Variants in ORC3 observed in about 807,000 individuals in gnomAD.
ORC3 encodes origin recognition complex subunit 3, also known as homolog of latheo, Drosophila.
ORC3 carries 78 observed loss-of-function variants against 100.7 expected under a neutral mutation model. That is an observed-to-expected ratio of 0.77 (90% confidence interval 0.65 to 0.94). ORC3 has a LOEUF of 0.94. Ranked by LOEUF, ORC3 falls within the 40% of genes least tolerant of loss-of-function variation. The probability of loss-of-function intolerance (pLI) is 0.00; values close to 1 mark genes in which losing one functional copy is unlikely to be tolerated. For synonymous variants in ORC3, 295 were observed against 289.3 expected (o/e 1.02, Z -0.20); for missense variants, 789 against 823.9 (o/e 0.96, Z 0.52).
At chr6:87,599,165 C>A (rs943866037) in intron 2 of ORC3, among the ~76,000 whole-genome samples, 4 of 152,122 alleles carry the variant, frequency 2.6e-5, no homozygotes, top group Non-Finnish European at 5.9e-5. Context: ...TTTAAAGTAT[C>A]CTACTGCTGT....
At chr6:87,601,719 C>T (rs538073258) in intron 2 of ORC3, 65 bp from the exon 3 acceptor site, 5 of 939,104 alleles carry the variant, frequency 5.3e-6, no homozygotes, top group South Asian at 1.5e-5. Context: ...TAACTTTGCA[C>T]GTAAGATCTA....
At chr6:87,590,851 G>A (rs909753130) in intron 1 of ORC3, among the ~76,000 whole-genome samples, 1 of 152,084 alleles carries the variant, frequency 6.6e-6, no homozygotes, top group Non-Finnish European at 1.5e-5. Context: ...ACAAAGAGTG[G>A]GAGCGTCATG....
intron 11 of ORC3, among the ~76,000 whole-genome samples, chr6:87,624,099 T>C (rs1779719555): frequency 6.6e-6 from 1 of 152,170 alleles, no homozygotes; most frequent in African/African-American, 2.4e-5. Context: ...GTGAGAAATA[T>C]GAAAAAGCAC....
At chr6:87,598,672 T>C (rs1238254810) in intron 2 of ORC3, among the ~76,000 whole-genome samples, 1 of 151,866 alleles carries the variant, frequency 6.6e-6, no homozygotes, top group African/African-American at 2.4e-5. Flanking sequence ...TTTTTTTTTT[T>C]CATTATGTGG....
chr6:87,607,553 G>T, intron 5 of ORC3, 120 bp from the exon 6 acceptor site: 1 of 655,094 alleles, frequency 1.5e-6, no homozygotes, highest in East Asian at 2.8e-5. Context: ...TTGATGGTAA[G>T]TATAAAAAAA....
chr6:87,676,528 G>A, the ORC3 span, among the ~76,000 whole-genome samples: 8 of 150,312 alleles, frequency 5.3e-5, no homozygotes, highest in African/African-American at 1.5e-4. Context: ...ACGCCGAGGC[G>A]GGCACATCAT....
chr6:87,601,883 T>G lies in ORC3; in HGVS notation c.177+2T>G, dbSNP rs1583009684. The G allele has an allele frequency of 1.3e-6, 2 of 1,553,392 alleles. No homozygotes were observed. Among genetic ancestry groups the G allele is most frequent in the Non-Finnish European group, 1.8e-6 (2 of 1,125,596 alleles). Reference sequence around the variant, plus strand: ...CAGCAGATGAAATCTGAAAATGAGGTGAATACTTTTTTTAATAATTTTCTG... The same window carrying G: ...CAGCAGATGAAATCTGAAAATGAGGGGAATACTTTTTTTAATAATTTTCTG... On this transcript the variant is annotated splice_donor_variant, in intron 3 of 19. Coordinates refer to ENST00000392844, the MANE Select transcript of ORC3 (RefSeq NM_012381.4). LOFTEE classifies it high-confidence loss of function.
chr6:87,606,949 C>T (rs557324673), intron 5 of ORC3, among the ~76,000 whole-genome samples: 1 of 152,064 alleles, frequency 6.6e-6, no homozygotes, highest in Admixed American at 6.6e-5. Context: ...TAAGTAAAAG[C>T]CCTTAAAGGC....
intron 11 of ORC3, among the ~76,000 whole-genome samples, chr6:87,633,984 A>G (rs1767622411): frequency 6.6e-6 from 1 of 152,176 alleles, no homozygotes; most frequent in Non-Finnish European, 1.5e-5. Flanking sequence ...AATCCCTAAT[A>G]TGGCGAGTAG....
intron 5 of ORC3, among the ~76,000 whole-genome samples, chr6:87,607,453 A>G (rs939247584): frequency 3.3e-5 from 5 of 152,144 alleles, no homozygotes; most frequent in Admixed American, 6.6e-5. Flanking sequence ...TAAAGATAAT[A>G]TACATAAGCT....
At chr6:87,596,262 T>G (rs1562315257) in intron 2 of ORC3, among the ~76,000 whole-genome samples, 1 of 151,688 alleles carries the variant, frequency 6.6e-6, no homozygotes, top group African/African-American at 2.4e-5. Flanking sequence ...GTCTCCCGAG[T>G]AGCTGGGACT....
chr6:87,621,740 T>A (rs1779547057), intron 10 of ORC3, among the ~76,000 whole-genome samples: 1 of 152,146 alleles, frequency 6.6e-6, no homozygotes, highest in Non-Finnish European at 1.5e-5. Flanking sequence ...ATGGCCTTTT[T>A]TAATGTTTAT....
chr6:87,622,136 C>T (rs1779581391), intron 11 of ORC3, 123 bp downstream of exon 11: 1 of 625,192 alleles, frequency 1.6e-6, no homozygotes, highest in Non-Finnish European at 2.7e-6. Context: ...CAGTGAAGTA[C>T]TGGGTCTTGA....
rs141703232 is a variant in ORC3, at chr6:87,596,118, G to A, written c.79+1711G>A. Among the ~76,000 whole-genome samples, 592 of 152,032 alleles carry A rather than the reference G, an allele frequency of 3.9e-3. 2 individuals carry two copies. Among genetic ancestry groups the A allele is most frequent in the Non-Finnish European group, 5.6e-3 (383 of 67,982 alleles). Reference sequence around the variant, plus strand: ...AGACCTCAAAGTGCTGGGATTACAGGTGTGAGCCACTGTGCCCAGCCTAAT... The same window carrying A: ...AGACCTCAAAGTGCTGGGATTACAGATGTGAGCCACTGTGCCCAGCCTAAT... On this transcript the variant is annotated intron_variant, in intron 2 of 19. Transcript: ENST00000392844.
chr6:87,665,912 A>G (rs1238226141), intron 19 of ORC3, 79 bp downstream of exon 19: 5 of 828,234 alleles, frequency 6.0e-6, no homozygotes, highest in East Asian at 2.6e-5. Context: ...TCTACACTAG[A>G]TATTTATAAA....
In ORC3 at chr6:87,616,387, A is replaced by G. The variant is rs140577831; in HGVS notation, c.947A>G (p.Tyr316Cys). 125 of 1,538,516 alleles carry G rather than the reference A, an allele frequency of 8.1e-5. No individual in the cohort carries two copies. The highest frequency in any genetic ancestry group is 9.6e-5 in the Non-Finnish European group (107 of 1,111,886). ...VLQVLTNIFL[Y>C]HDFSVQNFIK... ...CAGGTTCTGACCAACATCTTTTTGT[A>G]TCATGATTTCTCAGTTCAAAACTTT... Residue 316 changes from tyrosine (Y) to cysteine (C), a missense_variant, in exon 9 of 20, where the codon TAT (tyrosine) becomes TGT (cysteine). By Grantham distance (194) the Tyr-to-Cys change is radical (BLOSUM62 -2). This residue lies in a region of ORC3 where 399 missense variants were observed against 382.0 expected (regional missense o/e 1.04). Coordinates refer to ENST00000392844, the MANE Select transcript of ORC3 (RefSeq NM_012381.4).
At chr6:87,614,470 A>G (rs1779013311) in intron 8 of ORC3, among the ~76,000 whole-genome samples, 1 of 152,158 alleles carries the variant, frequency 6.6e-6, no homozygotes, top group Non-Finnish European at 1.5e-5. Context: ...ACTTACGGAA[A>G]TTTCTGCAGC....
At chr6:87,615,636 A>G (rs1405734452) in intron 8 of ORC3, among the ~76,000 whole-genome samples, 1 of 152,212 alleles carries the variant, frequency 6.6e-6, no homozygotes, top group Admixed American at 6.5e-5. Context: ...TCAAGGCTAC[A>G]GTGAGCTATG....
chr6:87,643,726 G>T (rs1768468280), intron 13 of ORC3, among the ~76,000 whole-genome samples: 1 of 152,120 alleles, frequency 6.6e-6, no homozygotes, highest in Non-Finnish European at 1.5e-5. Context: ...ATCAAATTTT[G>T]ACAACTCTTT....
Sources: gnomAD v4.1 joint callset for allele counts (sites outside exome capture counted in the v4.1 genomes callset) on GRCh38, gnomAD v4.1.1 for gene constraint, gnomAD v4.1.1 regional missense constraint, MANE v1.5 for transcripts, NCBI Gene and HGNC (gene_info 2026-07-23, HGNC 2026-07-21) for gene names.